RNFT2: variants seen among roughly 807,000 people sequenced by gnomAD.
RNFT2 encodes ring finger protein, transmembrane 2.
Under a neutral mutation model 53.0 loss-of-function variants are expected in RNFT2, and 36 were observed. The observed-to-expected ratio is 0.68, with a 90% CI of 0.52 to 0.90. RNFT2 has a LOEUF of 0.90. Among genes scored for constraint, RNFT2 ranks in the 40% least tolerant of loss-of-function variants. RNFT2 has a pLI of 0.00. For synonymous variants in RNFT2, 260 were observed against 253.2 expected (o/e 1.03, Z -0.26); for missense variants, 514 against 585.6 (o/e 0.88, Z 1.26).
chr12:116,842,676 C>G (rs1003483326), intron 10 of RNFT2, among the ~76,000 whole-genome samples: 1 of 152,080 alleles, frequency 6.6e-6, no homozygotes, highest in Non-Finnish European at 1.5e-5. Flanking sequence ...CGAGTTCAAG[C>G]GATTCTCCTG....
At chr12:116,840,521 T>C (rs1877196478) in intron 10 of RNFT2, among the ~76,000 whole-genome samples, 2 of 152,226 alleles carry the variant, frequency 1.3e-5, no homozygotes, top group South Asian at 4.1e-4. Context: ...GTCTCTGCTG[T>C]GTCCAGCCAG....
chr12:116,750,191 A>G lies in RNFT2; in HGVS notation c.434A>G (p.Gln145Arg). The G allele has an allele frequency of 6.2e-7, 1 of 1,601,780 alleles. No homozygotes were observed. Among genetic ancestry groups the G allele is most frequent in the East Asian group, 2.2e-5 (1 of 44,644 alleles). Reference protein sequence around the residue: ...RGHSEEGGDEQPGTPAPALSE... With the variant: ...RGHSEEGGDERPGTPAPALSE... ...CACTCGGAGGAGGGAGGCGACGAGCAGCCTGGGACGCCCGCCCCCGCCCTG... is the reference window on the plus strand; with the variant it reads ...CACTCGGAGGAGGGAGGCGACGAGCGGCCTGGGACGCCCGCCCCCGCCCTG... The change falls in exon 4 of 11, where the codon CAG (glutamine) becomes CGG (arginine). Residue 145 changes from glutamine (Q) to arginine (R), a missense_variant. By Grantham distance (43) the Gln-to-Arg change is conservative. Transcript: ENST00000257575.
chr12:116,852,532 G>A lies in RNFT2; in HGVS notation c.*3084G>A. 1.9e-6 allele frequency: 3 copies of A among 1,571,048 alleles called. No individual in the cohort carries two copies. Among genetic ancestry groups the A allele is most frequent in the Non-Finnish European group, 2.6e-6 (3 of 1,158,238 alleles). On this transcript the variant is annotated 3_prime_UTR_variant, in exon 11 of 11. Transcript: ENST00000257575. Reference sequence around the variant, plus strand: ...TAATCAAGTGGGAAGGGGAAGCAGAGGGAAATGGGGCCATGTGAATGCAGC... The same window carrying A: ...TAATCAAGTGGGAAGGGGAAGCAGAAGGAAATGGGGCCATGTGAATGCAGC...
intron 6 of RNFT2, among the ~76,000 whole-genome samples, chr12:116,769,896 G>A (rs892533270): frequency 1.3e-5 from 2 of 152,074 alleles, no homozygotes; most frequent in Admixed American, 6.5e-5. Context: ...TTAGCCAGGT[G>A]TGGTGGCAGG....
intron 7 of RNFT2, among the ~76,000 whole-genome samples, chr12:116,788,425 T>A (rs1874037332): frequency 6.6e-6 from 1 of 152,178 alleles, no homozygotes; most frequent in African/African-American, 2.4e-5. Flanking sequence ...CAAAGAGCCT[T>A]CCCTCTTTCT....
intron 10 of RNFT2, among the ~76,000 whole-genome samples, chr12:116,836,932 A>AG (rs990289703): frequency 6.6e-6 from 1 of 152,084 alleles, no homozygotes; most frequent in Non-Finnish European, 1.5e-5. Flanking sequence ...TACATCTCAA[A>AG]GAAAAAAAAA....
chr12:116,809,983 CCTT>C (rs1158811948), intron 7 of RNFT2, among the ~76,000 whole-genome samples: 1 of 152,128 alleles, frequency 6.6e-6, no homozygotes, highest in East Asian at 1.9e-4. Flanking sequence ...GCCAGAAAGA[CCTT>C]CTTATTCTGC....
At chr12:116,754,860 G>A (rs1872430290) in intron 5 of RNFT2, among the ~76,000 whole-genome samples, 1 of 152,080 alleles carries the variant, frequency 6.6e-6, no homozygotes, top group African/African-American at 2.4e-5. Context: ...TGATTTGTTT[G>A]AGTTTGTTGT....
Position 116,750,307 on chromosome 12 carries a change from G to A in RNFT2, c.550G>A (p.Gly184Ser), listed in dbSNP as rs773879049. ...LAKLCFQHKL[G>S]IAVCIGMAST... is the part of the protein sequence containing the mutation. ...CAAACTGTGCTTTCAGCATAAGCTCGGTGAGTTCTGGGGGCATGGGTGTCC... is the reference window on the plus strand; with the variant it reads ...CAAACTGTGCTTTCAGCATAAGCTCAGTGAGTTCTGGGGGCATGGGTGTCC... The change falls in exon 4 of 11, where the codon GGC becomes AGC. Residue 184 changes from glycine to serine, a missense_variant and splice_region_variant. Physicochemically the swap from Gly to Ser is moderately conservative, Grantham distance 56. Around this residue, in one of 3 missense-constraint regions of RNFT2, gnomAD observed 4 missense variants for 16.1 expected, o/e 0.25. Coordinates refer to ENST00000257575, the MANE Select transcript of RNFT2 (RefSeq NM_001382266.1). 3.1e-6 allele frequency: 5 copies of A among 1,594,676 alleles called. No individual in the cohort carries two copies. Among genetic ancestry groups the A allele is most frequent in the African/African-American group, 1.3e-5 (1 of 74,678 alleles).
intron 7 of RNFT2, among the ~76,000 whole-genome samples, chr12:116,811,509 G>T (rs574283717): frequency 1.4e-4 from 21 of 152,070 alleles, no homozygotes; most frequent in African/African-American, 5.1e-4. Context: ...CTGAGCAGCT[G>T]GGATTACAGG....
At chr12:116,813,889 C>A (rs908388750) in intron 7 of RNFT2, among the ~76,000 whole-genome samples, 3 of 152,106 alleles carry the variant, frequency 2.0e-5, no homozygotes, top group East Asian at 3.8e-4. Context: ...CTTCTCTAAG[C>A]CTCAGTGTTC....
intron 7 of RNFT2, among the ~76,000 whole-genome samples, chr12:116,817,233 G>A (rs1046061003): frequency 5.3e-5 from 8 of 152,040 alleles, no homozygotes; most frequent in African/African-American, 1.2e-4. Context: ...GGCTGGTCTC[G>A]AACTCCTGAC....
chr12:116,790,858 G>A (rs1009180757), intron 7 of RNFT2, among the ~76,000 whole-genome samples: 1 of 152,226 alleles, frequency 6.6e-6, no homozygotes, highest in African/African-American at 2.4e-5. Flanking sequence ...TTGGGAGGCT[G>A]AAGTGGGAGG....
At chr12:116,764,975 A>T (rs1332918733) in intron 5 of RNFT2, among the ~76,000 whole-genome samples, 1 of 152,162 alleles carries the variant, frequency 6.6e-6, no homozygotes, top group Non-Finnish European at 1.5e-5. Context: ...TGGCACCTTG[A>T]CTTAAATTTT....
chr12:116,846,868 T>C (rs1877643928), intron 10 of RNFT2, among the ~76,000 whole-genome samples: 1 of 151,054 alleles, frequency 6.6e-6, no homozygotes, highest in East Asian at 2.0e-4. Flanking sequence ...GGACATACTC[T>C]CAGATAATCA....
Position 116,851,665 on chromosome 12 carries a change from C to T in RNFT2, c.*2217C>T, listed in dbSNP as rs1386701383. 7 of 636,492 alleles carry T rather than the reference C, an allele frequency of 1.1e-5. No individual in the cohort carries two copies. The highest frequency in any genetic ancestry group is 2.7e-5 in the East Asian group (1 of 36,954). The allele number at this position is 636,492 out of a possible 1,614,324, so 39.4% of individuals were successfully genotyped here. On this transcript the variant is annotated 3_prime_UTR_variant, in exon 11 of 11. Transcript: ENST00000257575. ...TAAGGCAGGGAGAACTGCTTGAACT[C>T]GGGAGGTGAAAGTTGCAGTGAGCCG...
intron 6 of RNFT2, among the ~76,000 whole-genome samples, chr12:116,771,486 A>ATATATATAT (rs1198593135): frequency 3.5e-4 from 35 of 101,030 alleles, no homozygotes; most frequent in Non-Finnish European, 5.0e-4. Flanking sequence ...AAAAAAAAAA[A>ATATATATAT]AAAAAAAAAT....
At chr12:116,781,306 G>C (rs1364497849) in intron 7 of RNFT2, among the ~76,000 whole-genome samples, 7 of 152,232 alleles carry the variant, frequency 4.6e-5, no homozygotes, top group African/African-American at 1.7e-4. Flanking sequence ...TATATCAATG[G>C]GCTCCTGTGC....
chr12:116,806,678 G>A (rs557841322), intron 7 of RNFT2, among the ~76,000 whole-genome samples: 10 of 150,502 alleles, frequency 6.6e-5, no homozygotes, highest in Admixed American at 2.0e-4. Flanking sequence ...CTGAGAGTTC[G>A]AGGCTGCAGT....
Sources: allele counts gnomAD v4.1 joint callset (sites outside exome capture counted in the v4.1 genomes callset), GRCh38; gene constraint gnomAD v4.1.1; regional missense constraint gnomAD v4.1.1; transcripts MANE v1.5; gene names NCBI Gene and HGNC (gene_info 2026-07-23, HGNC 2026-07-21).